LRRK2: variants seen among roughly 807,000 people sequenced by gnomAD.
LRRK2 encodes leucine rich repeat kinase 2.
LRRK2 carries 203 observed loss-of-function variants against 302.6 expected under a neutral mutation model. The observed-to-expected ratio is 0.67, with a 90% CI of 0.60 to 0.75. LRRK2 has a LOEUF of 0.75. LRRK2 is among the 30% of genes least tolerant of loss of function. The probability of loss-of-function intolerance (pLI) is 0.00; values close to 1 mark genes in which losing one functional copy is unlikely to be tolerated. For synonymous variants in LRRK2, 1,066 were observed against 1,031.9 expected, an observed-to-expected ratio of 1.03 and a Z score of -0.63; for missense variants, 2,830 against 2,951.0, an observed-to-expected ratio of 0.96 and a Z score of 0.95.
intron 7 of LRRK2, among the ~76,000 whole-genome samples, chr12:40,248,723 A>G (rs1490221029): frequency 6.6e-6 from 1 of 152,240 alleles, no homozygotes; most frequent in Non-Finnish European, 1.5e-5. Context: ...CCTGAACATA[A>G]GTCCAGTCTT....
chr12:40,277,406 C>A (rs577294528), intron 16 of LRRK2, among the ~76,000 whole-genome samples: 3 of 152,292 alleles, frequency 2.0e-5, no homozygotes, highest in Non-Finnish European at 2.9e-5. Flanking sequence ...TCCACACTAG[C>A]CTTTCTGAGA....
rs914562668 is a variant in LRRK2 at position 40,367,047 on chromosome 12, A to C, written c.7432A>C (p.Lys2478Gln). 3 of 1,608,884 alleles carry C rather than the reference A, an allele frequency of 1.9e-6. No homozygotes were observed. In the African/African-American group the frequency reaches 4.0e-5, roughly 22 times the overall value. The part of the protein sequence containing the change: ...NVMLVLGYNR[K>Q]NTEGTQKQKE... ...CATGCTGGTATTGGGCTACAACCGG[A>C]AAAATACTGAAGGTACACAAAAGCA... The change falls in exon 50 of 51, where the codon AAA becomes CAA. Residue 2478 changes from lysine to glutamine, a missense_variant. Lys to Gln is a moderately conservative substitution (Grantham distance 53, BLOSUM62 1). Around this residue, in one of 3 missense-constraint regions of LRRK2, gnomAD observed 456 missense variants for 456.3 expected, o/e 1.00. Coordinates refer to ENST00000298910, the MANE Select transcript of LRRK2 (RefSeq NM_198578.4).
intron 2 of LRRK2, 70 bp from the exon 3 acceptor site, chr12:40,232,204 T>A: frequency 9.3e-7 from 1 of 1,077,454 alleles, no homozygotes; most frequent in Non-Finnish European, 1.4e-6. Flanking sequence ...TTGAAGAGAT[T>A]CATGTTTGAC....
chr12:40,300,805 T>C (rs748870271), intron 25 of LRRK2: 1 of 471,028 alleles, frequency 2.1e-6, no homozygotes, highest in Non-Finnish European at 4.4e-6. Flanking sequence ...GTGCCTTCTG[T>C]GGAAAAGTTT....
intron 33 of LRRK2, among the ~76,000 whole-genome samples, chr12:40,317,679 T>C (rs1306517835): frequency 6.6e-6 from 1 of 152,056 alleles, no homozygotes; most frequent in Non-Finnish European, 1.5e-5. Context: ...TAAAAATACA[T>C]GGGAGAAATA....
chr12:40,305,375 A>G (rs1373263308), intron 27 of LRRK2, among the ~76,000 whole-genome samples: 4 of 152,264 alleles, frequency 2.6e-5, no homozygotes, highest in African/African-American at 9.6e-5. Flanking sequence ...CTGTACTTTG[A>G]GAACACTAAA....
At chr12:40,303,281 A>G (rs1189348925) in intron 26 of LRRK2, among the ~76,000 whole-genome samples, 1 of 152,108 alleles carries the variant, frequency 6.6e-6, no homozygotes, top group Non-Finnish European at 1.5e-5. Flanking sequence ...AGGCAAGTTT[A>G]TGTAGTTCCA....
At chr12:40,324,908 T>C (rs980597303) in intron 38 of LRRK2, among the ~76,000 whole-genome samples, 15 of 152,214 alleles carry the variant, frequency 9.9e-5, no homozygotes, top group African/African-American at 3.4e-4. Context: ...CACAGATCCC[T>C]AAAATATTTC....
At position 40,240,586 on chromosome 12, in the gene LRRK2, G is replaced by C; in HGVS notation, c.675G>C (p.Val225=). 2 of 1,613,284 alleles carry C rather than the reference G, an allele frequency of 1.2e-6. No individual in the cohort carries two copies. Among genetic ancestry groups the C allele is most frequent in the Non-Finnish European group, 1.7e-6 (2 of 1,179,558 alleles). Residue 225 remains valine (V), a synonymous_variant, in exon 6 of 51, where the codon GTG becomes GTC. Coordinates refer to ENST00000298910, the MANE Select transcript of LRRK2 (RefSeq NM_198578.4). ...FKDEEEIVLH[V]LHCLHSLAIP... ...ATGAAGAGGAAATTGTGCTTCATGT[G>C]CTGCATTGTTTACATTCCCTAGCGA... is the stretch of plus-strand genomic sequence containing the variant.
rs570344221 is a variant in LRRK2, at chr12:40,301,901, A to G, written c.3497-888A>G. Among the ~76,000 whole-genome samples the G allele has an allele frequency of 2.6e-5, 4 of 152,280 alleles. No homozygotes were observed. In the East Asian group the frequency reaches 5.8e-4, roughly 22 times the overall value. On this transcript the variant is annotated intron_variant, in intron 25 of 50. Coordinates refer to ENST00000298910, the MANE Select transcript of LRRK2 (RefSeq NM_198578.4). ...TTCTTAACAATTCATAAAGTAGGCCAGGCACGGTGGCTCATGCCTGTAATC... is the reference window on the plus strand; with the variant it reads ...TTCTTAACAATTCATAAAGTAGGCCGGGCACGGTGGCTCATGCCTGTAATC...
At position 40,367,666 on chromosome 12, in the gene LRRK2, T is replaced by G. The variant is rs773354491; in HGVS notation, c.7485T>G (p.Val2495=). ...KQKEIQSCLT[V]WDINLPHEVQ... ...TAGAGATACAATCTTGCTTGACCGT[T>G]TGGGACATCAATCTTCCACATGAAG... Residue 2495 remains valine (V), a synonymous_variant, in exon 51 of 51, where the codon GTT becomes GTG. Transcript: ENST00000298910. 2.5e-6 allele frequency: 4 copies of G among 1,604,514 alleles called. No homozygotes were observed. Among genetic ancestry groups the G allele is most frequent in the Non-Finnish European group, 3.4e-6 (4 of 1,174,388 alleles).
At chr12:40,294,792 G>A (rs1264127094) in intron 21 of LRRK2, 53 bp from the exon 22 acceptor site, 2 of 1,009,750 alleles carry the variant, frequency 2.0e-6, no homozygotes, top group African/African-American at 3.2e-5. Flanking sequence ...TTATAAAAAT[G>A]TCCTCTTCTC....
intron 7 of LRRK2, among the ~76,000 whole-genome samples, chr12:40,246,277 G>A (rs147242113): frequency 2.1e-4 from 32 of 150,060 alleles, no homozygotes; most frequent in Non-Finnish European, 4.1e-4. Flanking sequence ...TTTTCATTAT[G>A]TTAATATGAA....
chr12:40,347,905 C>G (rs894897951), intron 42 of LRRK2, among the ~76,000 whole-genome samples: 11 of 151,864 alleles, frequency 7.2e-5, no homozygotes, highest in Middle Eastern at 6.8e-3. Context: ...TGCAGTGAGC[C>G]GAGATTGCGC....
chr12:40,281,860 G>C (rs1431887430), intron 18 of LRRK2, among the ~76,000 whole-genome samples: 1 of 152,168 alleles, frequency 6.6e-6, no homozygotes, highest in East Asian at 1.9e-4. Context: ...GTTTCAAGAT[G>C]GTTTGTAGGT....
intron 14 of LRRK2, among the ~76,000 whole-genome samples, chr12:40,266,762 A>T (rs899627592): frequency 6.6e-6 from 1 of 151,952 alleles, no homozygotes; most frequent in Non-Finnish European, 1.5e-5. Context: ...CAAATGTCCA[A>T]CAATGATAGA....
chr12:40,320,654 AT>A (rs1945375095), intron 34 of LRRK2, among the ~76,000 whole-genome samples: 1 of 152,100 alleles, frequency 6.6e-6, no homozygotes, highest in Non-Finnish European at 1.5e-5. Context: ...AAGTAATATG[AT>A]GTTGAAATGT....
chr12:40,235,646 C>T lies in LRRK2; in HGVS notation c.368C>T (p.Thr123Ile), dbSNP rs1182341950. The change falls in exon 4 of 51, where the codon ACA becomes ATA. Residue 123 changes from threonine to isoleucine, a missense_variant. By Grantham distance (89) the Thr-to-Ile change is moderately conservative. Transcript: ENST00000298910. ...TCCAGATTGATTCTTAAAATGCTAA[C>T]AGTTCATAATGCCAGTGTAAACTTG... is the stretch of plus-strand genomic sequence containing the variant. ...GVHQLILKML[T>I]VHNASVNLSV... 6.2e-7 allele frequency: 1 copy of T among 1,605,984 alleles called. No individual in the cohort carries two copies. Among genetic ancestry groups the T allele is most frequent in the Non-Finnish European group, 8.5e-7 (1 of 1,172,770 alleles).
At chr12:40,238,182 A>AT (rs1160127074) in intron 5 of LRRK2, 79 bp downstream of exon 5, 7 of 1,409,006 alleles carry the variant, frequency 5.0e-6, no homozygotes, top group Non-Finnish European at 6.8e-6. Context: ...CACAGTTATA[A>AT]TAAGAAGAAG....
Sources: allele counts gnomAD v4.1 joint callset (sites outside exome capture counted in the v4.1 genomes callset), GRCh38; gene constraint gnomAD v4.1.1; regional missense constraint gnomAD v4.1.1; transcripts MANE v1.5; gene names NCBI Gene and HGNC (gene_info 2026-07-23, HGNC 2026-07-21).